FAF1: variants seen among roughly 807,000 people sequenced by gnomAD.
FAF1 encodes FAS-associated factor 1.
FAF1 carries 25 observed loss-of-function variants against 92.5 expected under a neutral mutation model. That is an observed-to-expected ratio of 0.27 (90% CI 0.20 to 0.38). The LOEUF (loss-of-function observed/expected upper bound fraction) is 0.38, where lower values mean the gene tolerates loss of function less well. Among genes scored for constraint, FAF1 ranks in the 10% least tolerant of loss-of-function variants. The probability of loss-of-function intolerance (pLI) is 1.00; values close to 1 mark genes in which losing one functional copy is unlikely to be tolerated. For synonymous variants in FAF1, 234 were observed against 273.2 expected (o/e 0.86, Z 1.42); for missense variants, 636 against 793.3 (o/e 0.80, Z 2.38).
chr1:50,567,264 A>G, intron 12 of FAF1, 33 bp from the exon 13 acceptor site: 2 of 1,519,272 alleles, frequency 1.3e-6, no homozygotes, highest in Non-Finnish European at 1.8e-6. Flanking sequence ...ATCAATTAAA[A>G]TATCCACTAA....
In FAF1 at chr1:50,490,684, AG is replaced by A. The variant is rs779699039; in HGVS notation, c.1576-20del. 6.7e-7 allele frequency: 1 copy of A among 1,489,362 alleles called. No individual in the cohort carries two copies. The highest frequency in any genetic ancestry group is 9.4e-7 in the Non-Finnish European group (1 of 1,066,068). 92.3% of individuals were successfully genotyped at this position (1,489,362 alleles called of 1,614,324 possible). A position where few individuals can be genotyped will look rare whatever the true frequency, so the allele number is the denominator to read the frequency against. On this transcript the variant is annotated intron_variant, in intron 16 of 18. Transcript: ENST00000396153. The stretch of plus-strand genomic sequence containing the variant: ...CTTCCCTCTGTTGATAAAACAGAAA[AG>A]GAACAAGCACTTAACACATACTTGT...
At chr1:50,767,890 A>T (rs1660638564) in intron 4 of FAF1, among the ~76,000 whole-genome samples, 2 of 152,180 alleles carry the variant, frequency 1.3e-5, no homozygotes, top group Non-Finnish European at 2.9e-5. Flanking sequence ...TTACACAATC[A>T]AGTCTGCATA....
At chr1:50,679,085 TC>T (rs1656306764) in intron 7 of FAF1, among the ~76,000 whole-genome samples, 1 of 152,166 alleles carries the variant, frequency 6.6e-6, no homozygotes, top group African/African-American at 2.4e-5. Context: ...AGACTCCGTC[TC>T]AAAAAAAACA....
intron 6 of FAF1, among the ~76,000 whole-genome samples, chr1:50,737,782 T>C (rs1380154569): frequency 2.0e-5 from 3 of 152,140 alleles, no homozygotes; most frequent in Non-Finnish European, 2.9e-5. Flanking sequence ...ACTATCTACC[T>C]AAAAATCAAG....
At chr1:50,803,161 T>C (rs1392499664) in intron 2 of FAF1, among the ~76,000 whole-genome samples, 1 of 152,196 alleles carries the variant, frequency 6.6e-6, no homozygotes, top group Non-Finnish European at 1.5e-5. Context: ...TCAAGTTAAC[T>C]ATCCTCTTTT....
At chr1:50,819,465 TAA>T (rs35111665) in intron 2 of FAF1, among the ~76,000 whole-genome samples, 1 of 142,276 alleles carries the variant, frequency 7.0e-6, no homozygotes, top group Non-Finnish European at 1.5e-5. Flanking sequence ...ATTTAAAAAT[TAA>T]AAAAAAAAAA....
At chr1:50,458,965 CCTTTTTTTTTT>C (rs1646390504) in intron 18 of FAF1, among the ~76,000 whole-genome samples, 2 of 150,586 alleles carry the variant, frequency 1.3e-5, no homozygotes, top group South Asian at 4.2e-4. Flanking sequence ...CCTGCCCTGC[CCTTTTTTTTTT>C]CTTTTTTTTT....
intron 2 of FAF1, among the ~76,000 whole-genome samples, chr1:50,857,575 G>T (rs550488979): frequency 2.6e-5 from 4 of 151,772 alleles, no homozygotes; most frequent in Admixed American, 6.6e-5. Context: ...AATTATCAGT[G>T]AAGGCCCCAG....
chr1:50,506,775 T>C (rs931926144), intron 15 of FAF1, among the ~76,000 whole-genome samples: 1 of 151,814 alleles, frequency 6.6e-6, no homozygotes, highest in African/African-American at 2.4e-5. Context: ...GAGGGACAGA[T>C]GACAGAAAAG....
intron 15 of FAF1, among the ~76,000 whole-genome samples, chr1:50,513,539 C>A (rs1461799160): frequency 6.6e-6 from 1 of 152,114 alleles, no homozygotes; most frequent in Admixed American, 6.6e-5. Flanking sequence ...ATTGTGGTTC[C>A]ATTCTGCAAA....
intron 7 of FAF1, among the ~76,000 whole-genome samples, chr1:50,672,320 C>T (rs1028756145): frequency 1.3e-5 from 2 of 152,150 alleles, no homozygotes; most frequent in Non-Finnish European, 2.9e-5. Flanking sequence ...GGATTACAGG[C>T]GTGAGCCACC....
At chr1:50,739,603 G>A (rs945677758) in intron 5 of FAF1, among the ~76,000 whole-genome samples, 5 of 151,974 alleles carry the variant, frequency 3.3e-5, no homozygotes, top group Non-Finnish European at 7.4e-5. Flanking sequence ...TATATACTTC[G>A]TTTCAGGGTC....
intron 18 of FAF1, among the ~76,000 whole-genome samples, chr1:50,442,071 C>T (rs1646174734): frequency 6.6e-6 from 1 of 151,954 alleles, no homozygotes; most frequent in Admixed American, 6.6e-5. Context: ...CATAATACAA[C>T]TTTATATTTT....
chr1:50,913,774 C>T (rs979572340), intron 1 of FAF1, among the ~76,000 whole-genome samples: 4 of 152,028 alleles, frequency 2.6e-5, no homozygotes, highest in Non-Finnish European at 5.9e-5. Context: ...ACTGATGGAA[C>T]TGATGGATGA....
intron 7 of FAF1, among the ~76,000 whole-genome samples, chr1:50,681,824 TG>T (rs892280605): frequency 2.0e-5 from 3 of 151,288 alleles, no homozygotes; most frequent in Non-Finnish European, 3.0e-5. Flanking sequence ...CGGCCTCTTT[TG>T]TTTTTTTTGG....
intron 1 of FAF1, among the ~76,000 whole-genome samples, chr1:50,901,531 ATAAAATAAAATT>A (rs1035409531): frequency 6.6e-6 from 1 of 151,894 alleles, no homozygotes; most frequent in African/African-American, 2.4e-5. Flanking sequence ...CCTAGGTTCT[ATAAAATAAAATT>A]TAAAAATTTA....
intron 7 of FAF1, among the ~76,000 whole-genome samples, chr1:50,682,509 G>A (rs1656468811): frequency 6.6e-6 from 1 of 152,002 alleles, no homozygotes; most frequent in South Asian, 2.1e-4. Context: ...TATGCATGTC[G>A]TCTTATGTTA....
At chr1:50,674,860 C>CTATTTTATTTTATTTTATTTTATTT (rs60719405) in intron 7 of FAF1, among the ~76,000 whole-genome samples, 39 of 143,788 alleles carry the variant, frequency 2.7e-4, no homozygotes, top group African/African-American at 1.0e-3. Flanking sequence ...TCACCTTGTA[C>CTATTTTATTTTATTTTATTTTATTT]TATTTTATTT....
intron 13 of FAF1, among the ~76,000 whole-genome samples, chr1:50,558,814 T>G (rs1649722838): frequency 6.6e-6 from 1 of 152,186 alleles, no homozygotes; most frequent in Non-Finnish European, 1.5e-5. Context: ...TAAAAACAAA[T>G]GCTTTGATTC....
Sources: allele counts gnomAD v4.1 joint callset (sites outside exome capture counted in the v4.1 genomes callset), GRCh38; gene constraint gnomAD v4.1.1; transcripts MANE v1.5; gene names NCBI Gene and HGNC (gene_info 2026-07-23, HGNC 2026-07-21).